RORA: variants seen among roughly 807,000 people sequenced by gnomAD.
RORA encodes nuclear receptor ROR-alpha.
Under a neutral mutation model 69.5 loss-of-function variants are expected in RORA, and 7 were observed. That is an observed-to-expected ratio of 0.10 (90% CI 0.06 to 0.19). RORA has a LOEUF of 0.19. RORA is among the 10% of genes least tolerant of loss of function. RORA has a pLI of 1.00. For missense variants in RORA, 457 were observed against 663.0 expected (o/e 0.69, Z 3.41); for synonymous variants, 261 against 240.8 (o/e 1.08, Z -0.78).
intron 1 of RORA, among the ~76,000 whole-genome samples, chr15:60,713,472 T>C (rs1462922947): frequency 6.6e-6 from 1 of 152,070 alleles, no homozygotes; most frequent in Non-Finnish European, 1.5e-5. Context: ...ATTTGAAGAG[T>C]TTTGTGAAAC....
At chr15:61,135,221 C>A (rs1410208124) in intron 1 of RORA, among the ~76,000 whole-genome samples, 1 of 150,756 alleles carries the variant, frequency 6.6e-6, no homozygotes, top group Non-Finnish European at 1.5e-5. Flanking sequence ...GTCCCAACTA[C>A]CTGGGAGGCT....
intron 1 of RORA, among the ~76,000 whole-genome samples, chr15:61,165,717 G>A (rs916623637): frequency 2.6e-5 from 4 of 152,122 alleles, no homozygotes; most frequent in Admixed American, 2.6e-4. Flanking sequence ...TGAAAGAGGG[G>A]CAAACAACAT....
intron 1 of RORA, among the ~76,000 whole-genome samples, chr15:60,726,298 C>G (rs11071551): frequency 0.058 from 8,809 of 152,124 alleles, 472 homozygotes; most frequent in East Asian, 0.18. Flanking sequence ...GCTGGCAAGT[C>G]TAAGAAATGA....
intron 1 of RORA, among the ~76,000 whole-genome samples, chr15:60,776,769 G>A (rs937957966): frequency 1.3e-5 from 2 of 152,200 alleles, no homozygotes; most frequent in South Asian, 2.1e-4. Flanking sequence ...CATGGCATCA[G>A]TAACAGTGCA....
chr15:61,062,277 G>A (rs904102016), intron 1 of RORA, among the ~76,000 whole-genome samples: 1 of 152,164 alleles, frequency 6.6e-6, no homozygotes, highest in Non-Finnish European at 1.5e-5. Context: ...AGCTTCCCAA[G>A]TTTGTCTTTT....
chr15:60,627,963 T>G (rs1300394256), intron 2 of RORA, among the ~76,000 whole-genome samples: 1 of 152,196 alleles, frequency 6.6e-6, no homozygotes, highest in Non-Finnish European at 1.5e-5. Flanking sequence ...TCTTAATTAT[T>G]TATTTATTTT....
intron 1 of RORA, among the ~76,000 whole-genome samples, chr15:60,776,657 C>T (rs1221344075): frequency 6.6e-6 from 1 of 152,160 alleles, no homozygotes; most frequent in Non-Finnish European, 1.5e-5. Context: ...AAGGTAAAGA[C>T]AAGGTATGGG....
At chr15:60,970,941 A>G (rs970080741) in intron 1 of RORA, among the ~76,000 whole-genome samples, 2 of 152,234 alleles carry the variant, frequency 1.3e-5, no homozygotes, top group Non-Finnish European at 2.9e-5. Context: ...TTCCTGAGCC[A>G]CGTGCAATCA....
chr15:60,648,291 T>C (rs1028653188), intron 2 of RORA, among the ~76,000 whole-genome samples: 1 of 152,254 alleles, frequency 6.6e-6, no homozygotes. Flanking sequence ...TGATGCATAT[T>C]CTAATTATAT....
intron 1 of RORA, among the ~76,000 whole-genome samples, chr15:61,193,527 C>A (rs930202180): frequency 6.6e-6 from 1 of 152,116 alleles, no homozygotes; most frequent in Non-Finnish European, 1.5e-5. Context: ...TGGATCCAGC[C>A]CTTCCTGAAG....
At chr15:60,780,096 A>G (rs2072232389) in intron 1 of RORA, among the ~76,000 whole-genome samples, 1 of 152,192 alleles carries the variant, frequency 6.6e-6, no homozygotes, top group African/African-American at 2.4e-5. Context: ...GAGGAGTTTT[A>G]GCTGAGCTGT....
At chr15:60,536,966 T>C (rs1053186816) in intron 2 of RORA, among the ~76,000 whole-genome samples, 4 of 152,278 alleles carry the variant, frequency 2.6e-5, no homozygotes, top group African/African-American at 9.6e-5. Flanking sequence ...CAGCATGTAT[T>C]ACTTTTCTAA....
At chr15:61,105,674 C>T (rs2078941529) in intron 1 of RORA, among the ~76,000 whole-genome samples, 1 of 152,148 alleles carries the variant, frequency 6.6e-6, no homozygotes, top group African/African-American at 2.4e-5. Flanking sequence ...CACCATAACA[C>T]AATGTAAGGA....
intron 1 of RORA, among the ~76,000 whole-genome samples, chr15:60,885,020 C>T (rs1243361256): frequency 6.6e-6 from 1 of 152,206 alleles, no homozygotes; most frequent in South Asian, 2.1e-4. Context: ...TAAAAGCAGC[C>T]TTTTCATTTC....
intron 1 of RORA, among the ~76,000 whole-genome samples, chr15:61,004,079 C>T (rs542536948): frequency 1.3e-5 from 2 of 152,066 alleles, no homozygotes; most frequent in East Asian, 1.9e-4. Flanking sequence ...TTCTGTCACA[C>T]GGTTCAGATC....
intron 1 of RORA, among the ~76,000 whole-genome samples, chr15:61,039,295 A>G (rs191484599): frequency 6.6e-6 from 1 of 152,312 alleles, no homozygotes; most frequent in African/African-American, 2.4e-5. Context: ...CTGGCAAAAT[A>G]CAGTTGGGCT....
intron 2 of RORA, among the ~76,000 whole-genome samples, chr15:60,576,763 G>A (rs1027473934): frequency 2.0e-5 from 3 of 152,154 alleles, no homozygotes; most frequent in Admixed American, 2.0e-4. Flanking sequence ...CACTTGCATG[G>A]TCGCAGGCCT....
chr15:60,756,812 T>A (rs1239127180), intron 1 of RORA, among the ~76,000 whole-genome samples: 1 of 152,194 alleles, frequency 6.6e-6, no homozygotes, highest in Admixed American at 6.5e-5. Context: ...GTTCAATATT[T>A]ATTTAGTTGC....
chr15:60,852,087 C>G (rs2073332197), intron 1 of RORA, among the ~76,000 whole-genome samples: 2 of 152,198 alleles, frequency 1.3e-5, no homozygotes, highest in Admixed American at 1.3e-4. Context: ...AGAGGGATCC[C>G]TGCCCCGATG....
Sources: gnomAD v4.1 joint callset for allele counts (sites outside exome capture counted in the v4.1 genomes callset) on GRCh38, gnomAD v4.1.1 for gene constraint, MANE v1.5 for transcripts, NCBI Gene and HGNC (gene_info 2026-07-23, HGNC 2026-07-21) for gene names.